Variants in MRC1 observed in about 807,000 individuals in gnomAD.
MRC1 encodes macrophage mannose receptor 1.
In MRC1, 62 loss-of-function variants were observed where a neutral mutation model predicts 102.9. That is an observed-to-expected ratio of 0.60 (90% CI 0.49 to 0.74). The LOEUF (loss-of-function observed/expected upper bound fraction) is 0.74, where lower values mean the gene tolerates loss of function less well. Ranked by LOEUF, MRC1 falls within the 30% of genes least tolerant of loss-of-function variation. The pLI is 0.00. For synonymous variants in MRC1, 457 were observed against 298.4 expected (o/e 1.53, Z -5.48); for missense variants, 1,237 against 862.8 (o/e 1.43, Z -5.43).
At chr10:17,816,204 T>C (rs1838309756) in intron 1 of MRC1, among the ~76,000 whole-genome samples, 1 of 152,164 alleles carries the variant, frequency 6.6e-6, no homozygotes, top group African/African-American at 2.4e-5. Flanking sequence ...TTTGGGGTCT[T>C]TGGGGAAAAC....
At chr10:17,895,342 A>G (rs1350292080) in intron 23 of MRC1, among the ~76,000 whole-genome samples, 3 of 152,098 alleles carry the variant, frequency 2.0e-5, no homozygotes, top group Admixed American at 6.5e-5. Context: ...AATGTTTTCT[A>G]TACTTAATTC....
rs1554838430 is a variant in MRC1 at position 17,823,423 on chromosome 10, C to T, written c.411C>T (p.Ser137=). The change falls in exon 2 of 30, where the codon AGC becomes AGT. Residue 137 remains serine (S), a synonymous_variant. Transcript: ENST00000569591. ...TCTACAAGGGATCGGGTTTATGGAGCAGGTGGAAGATCTATGGAACCACAG... is the reference window on the plus strand; with the variant it reads ...TCTACAAGGGATCGGGTTTATGGAGTAGGTGGAAGATCTATGGAACCACAG... The part of the protein sequence containing the change: ...IMLYKGSGLW[S]RWKIYGTTDN... The T allele has an allele frequency of 3.8e-6, 3 of 780,656 alleles. No homozygotes were observed. Among genetic ancestry groups the T allele is most frequent in the South Asian group, 1.3e-5 (1 of 74,612 alleles). The allele number at this position is 780,656 out of a possible 1,614,324, so 48.4% of individuals were successfully genotyped here. A position where few individuals can be genotyped will look rare whatever the true frequency, so the allele number is the denominator to read the frequency against.
intron 1 of MRC1, 92 bp downstream of exon 1, chr10:17,809,618 A>G: frequency 2.4e-6 from 2 of 831,752 alleles, no homozygotes; most frequent in Non-Finnish European, 2.1e-6. Flanking sequence ...TCCTTTCAAC[A>G]TCTTTGTGAG....
At chr10:17,874,963 G>C in intron 16 of MRC1, 127 bp from the exon 17 acceptor site, 1 of 740,200 alleles carries the variant, frequency 1.4e-6, no homozygotes, top group Non-Finnish European at 2.5e-6. Context: ...CTGCTGTTCT[G>C]GTCTCTCAGA....
chr10:17,847,008 A>G (rs977502246), intron 6 of MRC1, among the ~76,000 whole-genome samples: 6 of 152,214 alleles, frequency 3.9e-5, no homozygotes, highest in Admixed American at 3.9e-4. Flanking sequence ...GATTTGGCCA[A>G]GATCCTAAAT....
At chr10:17,826,633 A>G (rs1564610982) in intron 2 of MRC1, among the ~76,000 whole-genome samples, 1 of 152,266 alleles carries the variant, frequency 6.6e-6, no homozygotes, top group Non-Finnish European at 1.5e-5. Flanking sequence ...GACTTTAAAC[A>G]TACTGGACAA....
chr10:17,815,833 CT>C (rs35361671), intron 1 of MRC1, among the ~76,000 whole-genome samples: 85,314 of 144,804 alleles, frequency 0.59, 25,349 homozygotes, highest in African/African-American at 0.76. Context: ...TTTTTCTTTT[CT>C]TTTTTTTTTT....
intron 26 of MRC1, among the ~76,000 whole-genome samples, chr10:17,906,538 C>T (rs1833898172): frequency 6.6e-6 from 1 of 152,126 alleles, no homozygotes; most frequent in Non-Finnish European, 1.5e-5. Context: ...TTTCACATGT[C>T]TATAGCATAT....
At chr10:17,861,143 C>T (rs1385153891) in intron 9 of MRC1, among the ~76,000 whole-genome samples, 1 of 152,178 alleles carries the variant, frequency 6.6e-6, no homozygotes, top group African/African-American at 2.4e-5. Context: ...AACCCCATCT[C>T]TACTAAAAAG....
At position 17,898,208 on chromosome 10, in the gene MRC1, C is replaced by T. The variant is rs1195870610; in HGVS notation, c.3425C>T (p.Ala1142Val). 45 of 780,802 alleles carry T rather than the reference C, an allele frequency of 5.8e-5. No individual in the cohort carries two copies. The highest frequency in any genetic ancestry group is 3.4e-4 in the South Asian group (25 of 74,612). The allele number at this position is 780,802 out of a possible 1,614,324, so 48.4% of individuals were successfully genotyped here. ...CTGGATCCCTACAGTAATGCATTTG[C>T]GTGGCTGCAGATGGAAACATCTAAT... ...SILDPYSNAFAWLQMETSNER... is the reference protein window; with the variant it reads ...SILDPYSNAFVWLQMETSNER... The change falls in exon 24 of 30, where the codon GCG becomes GTG. Residue 1142 changes from alanine (A) to valine (V), a missense_variant. By Grantham distance (64) the Ala-to-Val change is moderately conservative. Transcript: ENST00000569591.
chr10:17,869,533 A>G (rs1370250833), intron 12 of MRC1, among the ~76,000 whole-genome samples: 2 of 152,198 alleles, frequency 1.3e-5, no homozygotes, highest in East Asian at 1.9e-4. Context: ...TTCTATTTGC[A>G]TACTGGTGGG....
At chr10:17,838,999 C>G (rs1035700268) in intron 4 of MRC1, among the ~76,000 whole-genome samples, 4 of 152,030 alleles carry the variant, frequency 2.6e-5, no homozygotes, top group Non-Finnish European at 5.9e-5. Context: ...TATTTTAACC[C>G]AAGATTTGAA....
intron 6 of MRC1, among the ~76,000 whole-genome samples, chr10:17,848,722 G>A (rs907676042): frequency 2.6e-5 from 4 of 152,046 alleles, no homozygotes; most frequent in African/African-American, 9.7e-5. Flanking sequence ...GTGACTTGCC[G>A]AAGATCACAC....
chr10:17,897,795 C>T (rs992839199), intron 23 of MRC1, among the ~76,000 whole-genome samples: 77 of 152,218 alleles, frequency 5.1e-4, no homozygotes, highest in Admixed American at 7.9e-4. Flanking sequence ...GAAACTTGAT[C>T]ATGTATTTGC....
intron 1 of MRC1, among the ~76,000 whole-genome samples, chr10:17,818,750 G>C (rs1838350075): frequency 6.6e-6 from 1 of 152,212 alleles, no homozygotes; most frequent in Admixed American, 6.5e-5. Context: ...AGTGAGCCAA[G>C]ATGGCGCCAC....
intron 6 of MRC1, among the ~76,000 whole-genome samples, chr10:17,847,681 G>A (rs1838845895): frequency 6.6e-6 from 1 of 152,236 alleles, no homozygotes; most frequent in African/African-American, 2.4e-5. Flanking sequence ...ACCGCATGTG[G>A]CCACTGAGCA....
intron 1 of MRC1, among the ~76,000 whole-genome samples, chr10:17,810,639 C>T (rs1345741644): frequency 2.0e-5 from 3 of 151,978 alleles, no homozygotes; most frequent in Admixed American, 6.6e-5. Context: ...ATTACCTGCC[C>T]CCATCAGTTC....
At chr10:17,860,817 G>A (rs949192339) in intron 9 of MRC1, among the ~76,000 whole-genome samples, 8 of 152,054 alleles carry the variant, frequency 5.3e-5, no homozygotes, top group Non-Finnish European at 1.0e-4. Context: ...AATAGTTTTC[G>A]TTGCAAGATA....
At chr10:17,876,002 T>G (rs1312665731) in intron 17 of MRC1, among the ~76,000 whole-genome samples, 8 of 152,200 alleles carry the variant, frequency 5.3e-5, no homozygotes, top group Admixed American at 1.3e-4. Flanking sequence ...TGATTTACAT[T>G]TCTCTGATAA....
Sources: gnomAD v4.1 joint callset for allele counts (sites outside exome capture counted in the v4.1 genomes callset) on GRCh38, gnomAD v4.1.1 for gene constraint, MANE v1.5 for transcripts, NCBI Gene and HGNC (gene_info 2026-07-23, HGNC 2026-07-21) for gene names.